The following PIK3CB variants were observed in gnomAD, a reference collection of about 807,000 sequenced individuals.
PIK3CB encodes phosphatidylinositol 4,5-bisphosphate 3-kinase catalytic subunit beta isoform.
In PIK3CB, 39 loss-of-function variants were observed where a neutral mutation model predicts 136.8. The observed-to-expected ratio is 0.29, with a 90% CI of 0.22 to 0.37. The LOEUF is 0.37. Ranked by LOEUF, PIK3CB falls within the 10% of genes least tolerant of loss-of-function variation. The probability of loss-of-function intolerance (pLI) is 1.00; values close to 1 mark genes in which losing one functional copy is unlikely to be tolerated. For synonymous variants in PIK3CB, 428 were observed against 436.6 expected (o/e 0.98, Z 0.25); for missense variants, 868 against 1,275.4 (o/e 0.68, Z 4.87).
At chr3:138,808,444 AACAAGGTGAGTTGTTCT>A (rs2046257562) in intron 1 of PIK3CB, among the ~76,000 whole-genome samples, 1 of 152,174 alleles carries the variant, frequency 6.6e-6, no homozygotes, top group Non-Finnish European at 1.5e-5. Flanking sequence ...CAGCCTGGGC[AACAAGGTGAGTTGTTCT>A]ACAACTCTAT....
chr3:138,707,557 T>G (rs2044405274), intron 10 of PIK3CB: 1 of 1,186,332 alleles, frequency 8.4e-7, no homozygotes, highest in South Asian at 2.4e-5. Context: ...GTTCTCAATC[T>G]TGAAAAGACT....
rs150627118 is a variant in PIK3CB, at chr3:138,697,878, A to C, written c.1770+1029T>G. On this transcript the variant is annotated intron_variant, in intron 13 of 23. Coordinates refer to ENST00000674063, the MANE Select transcript of PIK3CB (RefSeq NM_006219.3). ...CACTCAAGTAGCTAGGACTACAGGC[A>C]CATGCCAGCATGTCCAGCTAATGTT... Among the ~76,000 whole-genome samples, 298 of 152,144 alleles carry C rather than the reference A, an allele frequency of 2.0e-3. 1 individual carries two copies. Among genetic ancestry groups the C allele is most frequent in the Admixed American group, 4.6e-3 (70 of 15,270 alleles).
intron 15 of PIK3CB, among the ~76,000 whole-genome samples, chr3:138,690,733 AAAAAG>A (rs2043990396): frequency 6.6e-6 from 1 of 151,834 alleles, no homozygotes; most frequent in African/African-American, 2.4e-5. Flanking sequence ...CAAAAAAAAA[AAAAAG>A]AAAGGAAGGA....
chr3:138,665,967 C>T (rs1203577479), intron 19 of PIK3CB, among the ~76,000 whole-genome samples: 1 of 152,184 alleles, frequency 6.6e-6, no homozygotes, highest in Non-Finnish European at 1.5e-5. Context: ...TCCTTGGAGA[C>T]AGCAACTTTA....
chr3:138,784,504 C>T (rs1201592827), intron 2 of PIK3CB, among the ~76,000 whole-genome samples: 1 of 152,180 alleles, frequency 6.6e-6, no homozygotes, highest in Non-Finnish European at 1.5e-5. Flanking sequence ...GTACTACCAC[C>T]ATCTCGGCTC....
intron 2 of PIK3CB, among the ~76,000 whole-genome samples, chr3:138,772,233 G>A (rs901985511): frequency 2.0e-5 from 3 of 152,030 alleles, no homozygotes; most frequent in African/African-American, 7.2e-5. Flanking sequence ...AAAACTGCAA[G>A]TATAACCTAA....
At chr3:138,828,810 C>CG (rs1254441160) in intron 1 of PIK3CB, among the ~76,000 whole-genome samples, 20 of 151,842 alleles carry the variant, frequency 1.3e-4, no homozygotes, top group East Asian at 5.8e-4. Flanking sequence ...TTTTCTGAGA[C>CG]GGAGTTTCAC....
intron 4 of PIK3CB, among the ~76,000 whole-genome samples, chr3:138,752,851 A>G (rs1339826058): frequency 1.3e-5 from 2 of 152,232 alleles, no homozygotes; most frequent in Non-Finnish European, 2.9e-5. Flanking sequence ...TAAACAATGA[A>G]TATGTTTTTA....
chr3:138,683,612 G>T, intron 18 of PIK3CB, 66 bp downstream of exon 18: 1 of 893,830 alleles, frequency 1.1e-6, no homozygotes, highest in Non-Finnish European at 1.9e-6. Context: ...TCACCTTTCA[G>T]ATAAAGCAAA....
At chr3:138,754,396 C>T (rs910445701) in intron 4 of PIK3CB, among the ~76,000 whole-genome samples, 2 of 151,960 alleles carry the variant, frequency 1.3e-5, no homozygotes, top group East Asian at 1.9e-4. Flanking sequence ...GAGCCATGAT[C>T]GTACCACTGC....
chr3:138,800,733 T>C (rs993940922), intron 1 of PIK3CB, among the ~76,000 whole-genome samples: 7 of 152,154 alleles, frequency 4.6e-5, no homozygotes, highest in Admixed American at 4.6e-4. Flanking sequence ...CAAGTGATTC[T>C]ACTGCCTCAG....
intron 13 of PIK3CB, among the ~76,000 whole-genome samples, chr3:138,695,152 A>AG (rs1430914000): frequency 2.0e-5 from 3 of 151,834 alleles, no homozygotes; most frequent in African/African-American, 7.3e-5. Context: ...TGGGTGAGAG[A>AG]GAAAAAAATG....
At chr3:138,771,278 A>G (rs975301278) in intron 2 of PIK3CB, among the ~76,000 whole-genome samples, 88 of 144,538 alleles carry the variant, frequency 6.1e-4, no homozygotes, top group African/African-American at 2.0e-3. Flanking sequence ...GCTGGAGTGC[A>G]GTGGCGCGAT....
intron 19 of PIK3CB, among the ~76,000 whole-genome samples, chr3:138,667,283 C>T (rs558321344): frequency 6.7e-6 from 1 of 150,162 alleles, no homozygotes; most frequent in African/African-American, 2.5e-5. Flanking sequence ...CAAGGGGGAG[C>T]ACAACAGAAA....
At chr3:138,826,482 T>A (rs1028439870) in intron 1 of PIK3CB, among the ~76,000 whole-genome samples, 1 of 150,334 alleles carries the variant, frequency 6.7e-6, no homozygotes, top group East Asian at 2.0e-4. Flanking sequence ...AAGGAGAATG[T>A]GTTATGGACC....
rs143255748 is a variant in PIK3CB at position 138,831,011 on chromosome 3, G to A, written c.-122+3684C>T. Reference sequence around the variant, plus strand: ...TATTTATTTATTGGGGGCAAGGCGCGGTGGCTCCCGCCTGGAGTCCCAGCA... The same window carrying A: ...TATTTATTTATTGGGGGCAAGGCGCAGTGGCTCCCGCCTGGAGTCCCAGCA... On this transcript the variant is annotated intron_variant, in intron 1 of 23. Transcript: ENST00000674063. Among the ~76,000 whole-genome samples, 59 of 144,588 alleles carry A rather than the reference G, an allele frequency of 4.1e-4. No individual in the cohort carries two copies. In the East Asian group the frequency reaches 0.011, roughly 28 times the overall value. 94.9% of individuals were successfully genotyped at this position (144,588 alleles called of 152,430 possible). A position where few individuals can be genotyped will look rare whatever the true frequency, so the allele number is the denominator to read the frequency against.
intron 21 of PIK3CB, among the ~76,000 whole-genome samples, chr3:138,662,429 A>G (rs1577042001): frequency 6.6e-6 from 1 of 150,394 alleles, no homozygotes; most frequent in African/African-American, 2.5e-5. Context: ...TGTCCCTACA[A>G]AGGACATGAA....
intron 1 of PIK3CB, among the ~76,000 whole-genome samples, chr3:138,818,794 A>G (rs1269794451): frequency 1.3e-5 from 2 of 152,200 alleles, no homozygotes; most frequent in African/African-American, 4.8e-5. Context: ...ACCATTGGAA[A>G]CAAAATGTAT....
chr3:138,763,848 C>T (rs1370558828), intron 2 of PIK3CB, among the ~76,000 whole-genome samples: 1 of 152,206 alleles, frequency 6.6e-6, no homozygotes, highest in Non-Finnish European at 1.5e-5. Flanking sequence ...CGCGCTGGCT[C>T]ATGCCTGCAA....
Sources: gnomAD v4.1 joint callset for allele counts (sites outside exome capture counted in the v4.1 genomes callset) on GRCh38, gnomAD v4.1.1 for gene constraint, MANE v1.5 for transcripts, NCBI Gene and HGNC (gene_info 2026-07-23, HGNC 2026-07-21) for gene names.